BPTF: variants seen among roughly 807,000 people sequenced by gnomAD.
BPTF encodes the protein nucleosome-remodeling factor subunit BPTF.
Under a neutral mutation model 292.5 loss-of-function variants are expected in BPTF, and 18 were observed. The observed-to-expected ratio is 0.06, with a 90% CI of 0.04 to 0.09. The LOEUF (loss-of-function observed/expected upper bound fraction) is 0.09, where lower values mean the gene tolerates loss of function less well. BPTF is among the 10% of genes least tolerant of loss of function. BPTF has a pLI of 1.00. For synonymous variants in BPTF, 1,225 were observed against 1,251.9 expected (o/e 0.98, Z 0.45); for missense variants, 2,726 against 3,498.7 (o/e 0.78, Z 5.57).
At position 67,886,257 on chromosome 17, in the gene BPTF, A is replaced by G. The variant is rs116783323; in HGVS notation, c.1865-5587A>G. 2,364 of 1,614,062 alleles carry G rather than the reference A, an allele frequency of 1.5e-3. 36 individuals are homozygous for G. In the African/African-American group the frequency reaches 0.028, roughly 19 times the overall value. Reference sequence around the variant, plus strand: ...CAGAGTGAATCTGCTAAGGCAGCTGATGATCCTGAAAATGGAGAAAGAGAA... The same window carrying G: ...CAGAGTGAATCTGCTAAGGCAGCTGGTGATCCTGAAAATGGAGAAAGAGAA... On this transcript the variant is annotated intron_variant, in intron 4 of 27. Transcript: ENST00000306378.
chr17:67,859,086 T>G (rs1339888188), intron 2 of BPTF, among the ~76,000 whole-genome samples: 1 of 152,142 alleles, frequency 6.6e-6, no homozygotes, highest in Non-Finnish European at 1.5e-5. Context: ...TATTTTAAAA[T>G]TAATCCTCCC....
At chr17:67,921,209 C>CA (rs60707445) in intron 13 of BPTF, among the ~76,000 whole-genome samples, 1,620 of 49,102 alleles carry the variant, frequency 0.033, 101 homozygotes, top group Middle Eastern at 0.054. Context: ...GAATCCGTGT[C>CA]AAAAAAAAAA....
chr17:67,892,171 T>C (rs954251597), intron 5 of BPTF, 137 bp downstream of exon 5: 4 of 692,758 alleles, frequency 5.8e-6, no homozygotes, highest in African/African-American at 3.7e-5. Context: ...TTTCCGAAAC[T>C]GTAGTAGTTA....
chr17:67,979,964 C>T (rs2070133610), intron 27 of BPTF, among the ~76,000 whole-genome samples: 1 of 152,034 alleles, frequency 6.6e-6, no homozygotes, highest in African/African-American at 2.4e-5. Flanking sequence ...TCACTTGAAC[C>T]TTGGAGGCGG....
intron 18 of BPTF, among the ~76,000 whole-genome samples, chr17:67,936,301 G>T (rs2064910567): frequency 6.6e-6 from 1 of 152,152 alleles, no homozygotes; most frequent in African/African-American, 2.4e-5. Context: ...TAATGCTGCA[G>T]GAACAATTGA....
chr17:67,922,793 AT>A, intron 13 of BPTF, 46 bp from the exon 14 acceptor site: 1 of 1,556,512 alleles, frequency 6.4e-7, no homozygotes, highest in Non-Finnish European at 8.6e-7. Context: ...AAGTACTTTA[AT>A]TTTAGAAGCA....
At chr17:67,979,409 T>C (rs2070031971) in intron 27 of BPTF, among the ~76,000 whole-genome samples, 1 of 151,632 alleles carries the variant, frequency 6.6e-6, no homozygotes, top group African/African-American at 2.4e-5. Flanking sequence ...TAGCCAGGTG[T>C]GGTTGCACAT....
At chr17:67,940,839 A>G (rs1174281982) in intron 19 of BPTF, among the ~76,000 whole-genome samples, 183 bp downstream of exon 19, 2 of 152,218 alleles carry the variant, frequency 1.3e-5, no homozygotes, top group African/African-American at 2.4e-5. Flanking sequence ...TACTAGAGTA[A>G]TCTTTAGACA....
intron 4 of BPTF, among the ~76,000 whole-genome samples, chr17:67,877,109 G>A (rs1033619065): frequency 1.3e-5 from 2 of 152,208 alleles, no homozygotes; most frequent in African/African-American, 4.8e-5. Context: ...TTAAAGAGGA[G>A]TTTGGTACTT....
chr17:67,927,367 A>C (rs1208145233), intron 15 of BPTF, among the ~76,000 whole-genome samples: 2 of 152,224 alleles, frequency 1.3e-5, no homozygotes, highest in Non-Finnish European at 2.9e-5. Flanking sequence ...AGCAATCTAT[A>C]ATAAAAGATA....
chr17:67,940,406 A>G lies in BPTF; in HGVS notation c.6260-33A>G, dbSNP rs370073845. The stretch of plus-strand genomic sequence containing the variant: ...CAATTCAAAATAATGCCAAGGGTGT[A>G]TAAGCATTCATAATGTTTTGCTGTT... On this transcript the variant is annotated intron_variant, in intron 18 of 27. Coordinates refer to ENST00000306378, the MANE Select transcript of BPTF (RefSeq NM_182641.4). 10 of 1,577,976 alleles carry G rather than the reference A, an allele frequency of 6.3e-6. No homozygotes were observed. In the African/African-American group the frequency reaches 1.3e-4, roughly 21 times the overall value.
chr17:67,973,540 G>GT (rs2069039411), intron 26 of BPTF, among the ~76,000 whole-genome samples: 2 of 151,740 alleles, frequency 1.3e-5, no homozygotes, highest in Admixed American at 1.3e-4. Flanking sequence ...GTCTGGCTCT[G>GT]TTGCACAAGC....
chr17:67,886,335 C>T (rs1327893816), intron 4 of BPTF: 3 of 1,512,072 alleles, frequency 2.0e-6, no homozygotes, highest in East Asian at 4.7e-5. Context: ...ATACTTCATC[C>T]ATTCCTTTAA....
chr17:67,926,603 C>T (rs2063926487), intron 15 of BPTF, among the ~76,000 whole-genome samples: 2 of 152,196 alleles, frequency 1.3e-5, no homozygotes, highest in South Asian at 4.1e-4. Context: ...GGATTACAGG[C>T]GTGAGCCACC....
At chr17:67,861,234 C>T (rs192050538) in intron 2 of BPTF, among the ~76,000 whole-genome samples, 2 of 152,302 alleles carry the variant, frequency 1.3e-5, no homozygotes, top group East Asian at 3.9e-4. Context: ...CAGTTTCTCT[C>T]CATTCCCACT....
chr17:67,887,500 A>C (rs541377555), intron 4 of BPTF, among the ~76,000 whole-genome samples: 1 of 152,278 alleles, frequency 6.6e-6, no homozygotes, highest in Admixed American at 6.5e-5. Context: ...GGTTATCCCC[A>C]TCCCAAGAAT....
chr17:67,976,753 C>T (rs1381546683), intron 27 of BPTF, among the ~76,000 whole-genome samples: 4 of 146,390 alleles, frequency 2.7e-5, no homozygotes, highest in African/African-American at 1.0e-4. Context: ...TGATGATTGT[C>T]ACAGGACTTT....
At chr17:67,830,081 A>T (rs2056527459) in intron 1 of BPTF, among the ~76,000 whole-genome samples, 1 of 152,242 alleles carries the variant, frequency 6.6e-6, no homozygotes, top group Non-Finnish European at 1.5e-5. Flanking sequence ...GACTTACTTC[A>T]GCCTATAGGT....
chr17:67,952,849 G>C (rs1343716002), intron 23 of BPTF, among the ~76,000 whole-genome samples: 12 of 152,046 alleles, frequency 7.9e-5, no homozygotes, highest in African/African-American at 2.9e-4. Flanking sequence ...CCACCTTCTT[G>C]TTCCTCCTCT....
Sources: allele counts gnomAD v4.1 joint callset (sites outside exome capture counted in the v4.1 genomes callset), GRCh38; gene constraint gnomAD v4.1.1; transcripts MANE v1.5; gene names NCBI Gene and HGNC (gene_info 2026-07-23, HGNC 2026-07-21).